Variants in ASTN2 observed in about 807,000 individuals in gnomAD.
The protein encoded by ASTN2 is astrotactin 2, also known as astrotactin-2.
Under a neutral mutation model 139.8 loss-of-function variants are expected in ASTN2, and 54 were observed. The observed-to-expected ratio is 0.39, with a 90% CI of 0.31 to 0.48. The LOEUF (loss-of-function observed/expected upper bound fraction) is 0.48, where lower values mean the gene tolerates loss of function less well. Ranked by LOEUF, ASTN2 falls within the 20% of genes least tolerant of loss-of-function variation. The pLI, the probability that ASTN2 is intolerant of heterozygous loss-of-function variation, is 0.95. For missense variants in ASTN2, 1,565 were observed against 1,725.1 expected (o/e 0.91, Z 1.64); for synonymous variants, 756 against 719.5 (o/e 1.05, Z -0.81).
At chr9:116,911,933 A>G (rs981760504) in intron 10 of ASTN2, among the ~76,000 whole-genome samples, 1 of 151,974 alleles carries the variant, frequency 6.6e-6, no homozygotes, top group African/African-American at 2.4e-5. Flanking sequence ...TCTGTGTATT[A>G]TTATCTCTGT....
chr9:116,538,506 T>C (rs766645556), intron 19 of ASTN2, among the ~76,000 whole-genome samples: 1 of 152,178 alleles, frequency 6.6e-6, no homozygotes, highest in Non-Finnish European at 1.5e-5. Flanking sequence ...ACCACAGAGC[T>C]GAAGGGGACT....
At chr9:117,128,389 A>G (rs963430969) in intron 4 of ASTN2, among the ~76,000 whole-genome samples, 16 of 148,058 alleles carry the variant, frequency 1.1e-4, no homozygotes, top group Non-Finnish European at 3.0e-5. Context: ...AAAAAAAAAA[A>G]AAAAAAAAAA....
chr9:116,467,311 G>C (rs1248369105), intron 20 of ASTN2, among the ~76,000 whole-genome samples: 1 of 152,090 alleles, frequency 6.6e-6, no homozygotes, highest in East Asian at 1.9e-4. Context: ...TCTGTCACCA[G>C]GCTGGAGTGC....
At chr9:116,823,526 C>T (rs970548599) in intron 11 of ASTN2, among the ~76,000 whole-genome samples, 20 of 152,158 alleles carry the variant, frequency 1.3e-4, no homozygotes, top group South Asian at 2.1e-4. Context: ...TTAGAAGTGA[C>T]GCCCAGAAAG....
intron 4 of ASTN2, among the ~76,000 whole-genome samples, chr9:117,129,184 G>A (rs1650825447): frequency 6.6e-6 from 1 of 152,150 alleles, no homozygotes; most frequent in Admixed American, 6.5e-5. Context: ...TATATGGATT[G>A]AAGGCAAATA....
At chr9:116,833,598 C>A (rs775216807) in intron 11 of ASTN2, among the ~76,000 whole-genome samples, 1 of 152,076 alleles carries the variant, frequency 6.6e-6, no homozygotes, top group African/African-American at 2.4e-5. Context: ...AGCTGTGTCC[C>A]CCACACAACT....
chr9:117,047,162 T>G (rs1425577527), intron 5 of ASTN2, among the ~76,000 whole-genome samples: 1 of 152,226 alleles, frequency 6.6e-6, no homozygotes, highest in African/African-American at 2.4e-5. Context: ...ATCTGACAAG[T>G]GCAAGTGTCA....
chr9:117,291,234 C>T, intron 2 of ASTN2, 92 bp downstream of exon 2: 6 of 1,479,966 alleles, frequency 4.1e-6, no homozygotes, highest in Non-Finnish European at 5.5e-6. Context: ...TTCTTTCCTT[C>T]CATCTGTGGA....
chr9:117,403,159 G>T (rs953671932), intron 1 of ASTN2, among the ~76,000 whole-genome samples: 8 of 152,140 alleles, frequency 5.3e-5, no homozygotes, highest in Non-Finnish European at 7.4e-5. Context: ...GCCTCAGCAG[G>T]TCTGGCCTTG....
chr9:116,540,997 ACAT>A (rs1167100249), intron 19 of ASTN2, among the ~76,000 whole-genome samples: 1 of 151,670 alleles, frequency 6.6e-6, no homozygotes, highest in East Asian at 1.9e-4. Flanking sequence ...TTTGAATGCC[ACAT>A]CTAATGAAAA....
intron 10 of ASTN2, among the ~76,000 whole-genome samples, chr9:116,896,606 G>T (rs1177121447): frequency 6.6e-6 from 1 of 152,120 alleles, no homozygotes; most frequent in East Asian, 1.9e-4. Flanking sequence ...GGCATGAGCT[G>T]CCGTGCCCCT....
At chr9:117,328,343 A>G (rs1828589581) in intron 1 of ASTN2, among the ~76,000 whole-genome samples, 1 of 152,198 alleles carries the variant, frequency 6.6e-6, no homozygotes, top group South Asian at 2.1e-4. Flanking sequence ...CTAGGAGGAT[A>G]GAATACCAAG....
intron 2 of ASTN2, among the ~76,000 whole-genome samples, chr9:117,261,523 C>A (rs1210953530): frequency 6.6e-6 from 1 of 152,126 alleles, no homozygotes; most frequent in Non-Finnish European, 1.5e-5. Context: ...TCAATAAATG[C>A]CCAGCCAAGC....
intron 5 of ASTN2, among the ~76,000 whole-genome samples, chr9:117,083,352 C>T (rs961596305): frequency 3.3e-5 from 5 of 152,300 alleles, no homozygotes; most frequent in South Asian, 2.1e-4. Flanking sequence ...TTAACCATCA[C>T]AAAAACCCTG....
chr9:117,060,878 G>A lies in ASTN2; in HGVS notation c.1277-20913C>T, dbSNP rs181207522. ...CCACTGCACTCCAGACTGGGTGACA[G>A]AGCGAGAGTCCGTCAAAAAGAAAGG... is the stretch of plus-strand genomic sequence containing the variant. On this transcript the variant is annotated intron_variant, in intron 5 of 22. Transcript: ENST00000313400. 6.6e-5 allele frequency among the ~76,000 whole-genome samples: 10 copies of A among 152,108 alleles called. No individual in the cohort carries two copies. In the East Asian group the frequency reaches 1.7e-3, roughly 27 times the overall value.
intron 10 of ASTN2, among the ~76,000 whole-genome samples, chr9:116,948,986 T>TCA (rs1164781119): frequency 1.3e-5 from 2 of 151,672 alleles, no homozygotes; most frequent in Non-Finnish European, 2.9e-5. Flanking sequence ...AGACTGGGTT[T>TCA]CACCATGTTG....
chr9:116,509,657 C>G (rs1485634357), intron 19 of ASTN2, among the ~76,000 whole-genome samples: 1 of 152,184 alleles, frequency 6.6e-6, no homozygotes, highest in Admixed American at 6.5e-5. Context: ...TCTCCACATC[C>G]TCTCCAGCAC....
chr9:116,707,760 C>T (rs1317765657), intron 16 of ASTN2, among the ~76,000 whole-genome samples: 3 of 152,132 alleles, frequency 2.0e-5, no homozygotes, highest in Non-Finnish European at 4.4e-5. Flanking sequence ...TGAAATGCAC[C>T]AGTTGTCAAC....
intron 16 of ASTN2, among the ~76,000 whole-genome samples, chr9:116,658,128 A>G (rs1316340834): frequency 6.6e-6 from 1 of 152,098 alleles, no homozygotes; most frequent in African/African-American, 2.4e-5. Flanking sequence ...TTTGCAAAGA[A>G]CTATTACCAT....
Sources: allele counts gnomAD v4.1 joint callset (sites outside exome capture counted in the v4.1 genomes callset), GRCh38; gene constraint gnomAD v4.1.1; transcripts MANE v1.5; gene names NCBI Gene and HGNC (gene_info 2026-07-23, HGNC 2026-07-21).